Variants in GNA14 observed in about 807,000 individuals in gnomAD.
GNA14 encodes the protein G protein subunit alpha 14.
Under a neutral mutation model 42.0 loss-of-function variants are expected in GNA14, and 50 were observed. That is an observed-to-expected ratio of 1.19 (90% CI 0.95 to 1.51). GNA14 has a LOEUF of 1.51. Among genes scored for constraint, GNA14 ranks in the 40% most tolerant of loss-of-function variants. The pLI is 0.00. For missense variants in GNA14, 473 were observed against 446.2 expected (o/e 1.06, Z -0.54); for synonymous variants, 173 against 163.1 (o/e 1.06, Z -0.46).
At chr9:77,483,437 G>A (rs978819610) in intron 2 of GNA14, among the ~76,000 whole-genome samples, 3 of 152,170 alleles carry the variant, frequency 2.0e-5, no homozygotes, top group Admixed American at 6.5e-5. Context: ...TGGAAGTTTT[G>A]TGTCAGAGGA....
At chr9:77,514,978 A>T (rs1018583224) in intron 2 of GNA14, among the ~76,000 whole-genome samples, 38 of 152,150 alleles carry the variant, frequency 2.5e-4, no homozygotes, top group African/African-American at 9.2e-4. Flanking sequence ...AATCAGTTTC[A>T]GGACGTTCAG....
intron 2 of GNA14, among the ~76,000 whole-genome samples, chr9:77,484,815 A>C (rs1460497560): frequency 6.6e-6 from 1 of 152,188 alleles, no homozygotes; most frequent in African/African-American, 2.4e-5. Context: ...AGTACATACA[A>C]AAGTTAGGTT....
rs1267089366 is a variant in GNA14 at position 77,648,106 on chromosome 9, G to A, written c.-313C>T. On this transcript the variant is annotated 5_prime_UTR_variant, in exon 1 of 7. Transcript: ENST00000341700. ...AAGTTGGGAGCGTTGCTGGCCCCGG[G>A]AAGATGCGCGCGCCCCTTGGCACAG... is the stretch of plus-strand genomic sequence containing the variant. 1 of 404,156 alleles carries A rather than the reference G, an allele frequency of 2.5e-6. No individual in the cohort carries two copies. The highest frequency in any genetic ancestry group is 4.4e-6 in the Non-Finnish European group (1 of 225,628). The allele number at this position is 404,156 out of a possible 1,614,324, so 25.0% of individuals were successfully genotyped here.
chr9:77,611,307 T>C (rs79191718), intron 1 of GNA14, among the ~76,000 whole-genome samples: 3,206 of 152,336 alleles, frequency 0.021, 53 homozygotes, highest in African/African-American at 0.049. Context: ...TCAGTTCTCC[T>C]GCTCCAGCAT....
At chr9:77,437,572 G>A (rs1320513917) in intron 2 of GNA14, among the ~76,000 whole-genome samples, 1 of 150,542 alleles carries the variant, frequency 6.6e-6, no homozygotes, top group African/African-American at 2.5e-5. Flanking sequence ...AAGAGAGAGA[G>A]AGAGAGAGGA....
intron 1 of GNA14, among the ~76,000 whole-genome samples, chr9:77,564,708 C>T (rs1822939275): frequency 6.6e-6 from 1 of 151,940 alleles, no homozygotes; most frequent in Non-Finnish European, 1.5e-5. Flanking sequence ...TGGTGTGTGC[C>T]TGTAATCCCA....
At chr9:77,626,920 C>G (rs927040072) in intron 1 of GNA14, among the ~76,000 whole-genome samples, 4 of 151,998 alleles carry the variant, frequency 2.6e-5, no homozygotes, top group Admixed American at 6.6e-5. Context: ...CACGAACAAC[C>G]CTTTAAAAAA....
At chr9:77,643,100 A>G (rs1824293965) in intron 1 of GNA14, among the ~76,000 whole-genome samples, 4 of 152,130 alleles carry the variant, frequency 2.6e-5, no homozygotes, top group Admixed American at 2.0e-4. Context: ...TCCTTCTCCA[A>G]CTCAGCCCTT....
intron 1 of GNA14, among the ~76,000 whole-genome samples, chr9:77,532,623 G>A (rs550872827): frequency 2.6e-5 from 4 of 152,136 alleles, no homozygotes; most frequent in Non-Finnish European, 5.9e-5. Flanking sequence ...AATCCAAAGG[G>A]TATGATTTTT....
chr9:77,554,940 ACGTTG>A (rs1222572721), intron 1 of GNA14, among the ~76,000 whole-genome samples: 1 of 152,188 alleles, frequency 6.6e-6, no homozygotes, highest in African/African-American at 2.4e-5. Context: ...AGATAACAAA[ACGTTG>A]GTGGATGTGT....
chr9:77,511,196 TC>T (rs1837162011), intron 2 of GNA14, among the ~76,000 whole-genome samples: 1 of 152,134 alleles, frequency 6.6e-6, no homozygotes, highest in South Asian at 2.1e-4. Context: ...GCTCCTCCAT[TC>T]CCCCTATAGT....
intron 1 of GNA14, among the ~76,000 whole-genome samples, chr9:77,564,818 G>A (rs1277353717): frequency 7.0e-6 from 1 of 143,460 alleles, no homozygotes; most frequent in African/African-American, 2.6e-5. Context: ...GGGTGACGAA[G>A]CAAGAATCTG....
chr9:77,599,977 A>G (rs1457302680), intron 1 of GNA14, among the ~76,000 whole-genome samples: 1 of 152,214 alleles, frequency 6.6e-6, no homozygotes, highest in Non-Finnish European at 1.5e-5. Flanking sequence ...TTTTCTATTA[A>G]AAGTCAGTGA....
chr9:77,539,218 T>TA (rs1837631475), intron 1 of GNA14, among the ~76,000 whole-genome samples: 1 of 152,214 alleles, frequency 6.6e-6, no homozygotes, highest in Admixed American at 6.5e-5. Flanking sequence ...ATCATGAAGG[T>TA]ATGTTGAATT....
intron 4 of GNA14, among the ~76,000 whole-genome samples, chr9:77,430,402 T>C (rs1835525977): frequency 6.6e-6 from 1 of 152,214 alleles, no homozygotes; most frequent in South Asian, 2.1e-4. Context: ...AACAAAATCC[T>C]TGGGAGTCTG....
At chr9:77,455,914 C>CT (rs1835990524) in intron 2 of GNA14, among the ~76,000 whole-genome samples, 1 of 152,182 alleles carries the variant, frequency 6.6e-6, no homozygotes, top group East Asian at 1.9e-4. Context: ...CCTGCCCAGC[C>CT]TCACTCTTTC....
At chr9:77,525,540 CTTTT>C (rs780509461) in intron 2 of GNA14, among the ~76,000 whole-genome samples, 5 of 137,106 alleles carry the variant, frequency 3.6e-5, no homozygotes, top group Non-Finnish European at 3.2e-5. Context: ...ATGGTTTGTT[CTTTT>C]TTTTTTTTTT....
chr9:77,438,569 A>T (rs1277132105), intron 2 of GNA14, among the ~76,000 whole-genome samples: 1 of 149,330 alleles, frequency 6.7e-6, no homozygotes, highest in Non-Finnish European at 1.5e-5. Context: ...CGCCTAGCCG[A>T]TTTTTTTTTT....
At chr9:77,578,063 C>T (rs928571950) in intron 1 of GNA14, among the ~76,000 whole-genome samples, 6 of 149,360 alleles carry the variant, frequency 4.0e-5, no homozygotes, top group Non-Finnish European at 2.9e-5. Flanking sequence ...GTCAAGAGAT[C>T]GAGACCATCC....
Sources: gnomAD v4.1 joint callset for allele counts (sites outside exome capture counted in the v4.1 genomes callset) on GRCh38, gnomAD v4.1.1 for gene constraint, MANE v1.5 for transcripts, NCBI Gene and HGNC (gene_info 2026-07-23, HGNC 2026-07-21) for gene names.